The following SRGAP1 variants were observed in gnomAD, a reference collection of about 807,000 sequenced individuals.
SRGAP1 encodes SLIT-ROBO Rho GTPase activating protein 1, also known as SLIT-ROBO Rho GTPase-activating protein 1.
Under a neutral mutation model 121.9 loss-of-function variants are expected in SRGAP1, and 43 were observed. The ratio of observed to expected loss-of-function variants is 0.35; its 90% CI spans 0.28 to 0.46. The LOEUF is 0.46. Ranked by LOEUF, SRGAP1 falls within the 20% of genes least tolerant of loss-of-function variation. The pLI, the probability that SRGAP1 is intolerant of heterozygous loss-of-function variation, is 1.00. For synonymous variants in SRGAP1, 447 were observed against 485.4 expected (o/e 0.92, Z 1.04); for missense variants, 1,102 against 1,350.9 (o/e 0.82, Z 2.89).
At chr12:64,046,364 C>T (rs1593074770) in intron 6 of SRGAP1, among the ~76,000 whole-genome samples, 1 of 152,236 alleles carries the variant, frequency 6.6e-6, no homozygotes, top group Admixed American at 6.5e-5. Flanking sequence ...AAGATTCACT[C>T]TGGCAGCAGA....
intron 1 of SRGAP1, among the ~76,000 whole-genome samples, chr12:63,961,009 G>A (rs1430106655): frequency 6.6e-6 from 1 of 152,122 alleles, no homozygotes; most frequent in East Asian, 1.9e-4. Context: ...TACGTTTGTG[G>A]TCATTTGTAA....
Position 64,126,011 on chromosome 12 carries a change from C to T in SRGAP1, c.2259C>T (p.Asp753=). The change falls in exon 19 of 22, where the codon GAC becomes GAT. Residue 753 remains aspartate, a synonymous_variant. Coordinates refer to ENST00000355086, the MANE Select transcript of SRGAP1 (RefSeq NM_020762.4). ...CEPIEAIAKF[D]YVGRSARELS... ...CAATAGAAGCAATAGCCAAGTTTGA[C>T]TATGTTGGGCGGTCTGCCAGAGAAC... is the stretch of plus-strand genomic sequence containing the variant. 6.2e-7 allele frequency: 1 copy of T among 1,614,090 alleles called. No individual in the cohort carries two copies. The highest frequency in any genetic ancestry group is 8.5e-7 in the Non-Finnish European group (1 of 1,179,954).
chr12:63,863,258 A>T (rs1353117757), intron 1 of SRGAP1, among the ~76,000 whole-genome samples: 1 of 150,910 alleles, frequency 6.6e-6, no homozygotes, highest in Non-Finnish European at 1.5e-5. Context: ...TCTTTTCAAA[A>T]GGTTGCTCTT....
At chr12:63,913,916 G>A (rs1223442813) in intron 1 of SRGAP1, among the ~76,000 whole-genome samples, 1 of 151,824 alleles carries the variant, frequency 6.6e-6, no homozygotes, top group Non-Finnish European at 1.5e-5. Context: ...CATCGTGAAG[G>A]ATTTACATTT....
chr12:64,116,613 C>T (rs991159173), intron 18 of SRGAP1, among the ~76,000 whole-genome samples: 14 of 152,022 alleles, frequency 9.2e-5, no homozygotes, highest in African/African-American at 2.7e-4. Flanking sequence ...GTATAATATT[C>T]CATTGTATGT....
chr12:63,934,248 ATCTT>A (rs2031582457), intron 1 of SRGAP1, among the ~76,000 whole-genome samples: 1 of 152,148 alleles, frequency 6.6e-6, no homozygotes, highest in Non-Finnish European at 1.5e-5. Context: ...TCAGCTGTCT[ATCTT>A]TCCACCTTTG....
In SRGAP1 at chr12:64,153,116, T is replaced by C. The variant is rs917970095; in HGVS notation, c.*10444T>C. On this transcript the variant is annotated 3_prime_UTR_variant, in exon 22 of 22. Coordinates refer to ENST00000355086, the MANE Select transcript of SRGAP1 (RefSeq NM_020762.4). ...AGCATTTGAGCTAAGACCTGAATAA[T>C]GAGAAGGAACCAGCCATGTGAAAAG... 5 of 151,358 alleles carry C rather than the reference T, an allele frequency of 3.3e-5. No individual in the cohort carries two copies. Among genetic ancestry groups the C allele is most frequent in the Admixed American group, 3.3e-4 (5 of 15,136 alleles). The allele number at this position is 151,358 out of a possible 1,614,324, so 9.4% of individuals were successfully genotyped here.
At chr12:64,025,687 C>G (rs1393238192) in intron 4 of SRGAP1, among the ~76,000 whole-genome samples, 1 of 152,048 alleles carries the variant, frequency 6.6e-6, no homozygotes, top group Non-Finnish European at 1.5e-5. Flanking sequence ...ATTTAGGGAC[C>G]TTGGGCTGAC....
intron 10 of SRGAP1, 25 bp from the exon 11 acceptor site, chr12:64,086,974 C>A (rs1593114874): frequency 1.3e-6 from 2 of 1,577,992 alleles, no homozygotes; most frequent in East Asian, 4.5e-5. Context: ...TTTCAGTTTA[C>A]TTACTTTAAA....
intron 3 of SRGAP1, among the ~76,000 whole-genome samples, chr12:63,998,178 T>C (rs1486910092): frequency 2.0e-5 from 3 of 152,194 alleles, no homozygotes; most frequent in African/African-American, 7.2e-5. Context: ...GAGACCTTCA[T>C]GTTGTTCACT....
At chr12:63,912,249 A>G (rs1185151984) in intron 1 of SRGAP1, among the ~76,000 whole-genome samples, 2 of 152,146 alleles carry the variant, frequency 1.3e-5, no homozygotes, top group Admixed American at 6.5e-5. Context: ...AGGTACTGAC[A>G]CTATCCCTAT....
chr12:63,855,986 G>GA (rs1395267815), intron 1 of SRGAP1, among the ~76,000 whole-genome samples: 1 of 152,024 alleles, frequency 6.6e-6, no homozygotes, highest in East Asian at 1.9e-4. Flanking sequence ...GGCTGGGCTT[G>GA]GTGGCTCATG....
At chr12:64,059,814 A>G (rs930144650) in intron 6 of SRGAP1, among the ~76,000 whole-genome samples, 3 of 152,150 alleles carry the variant, frequency 2.0e-5, no homozygotes, top group African/African-American at 4.8e-5. Flanking sequence ...ATCATTCTCT[A>G]TATTTGAGTG....
intron 10 of SRGAP1, among the ~76,000 whole-genome samples, chr12:64,086,702 G>A (rs1412821690): frequency 7.4e-6 from 1 of 135,762 alleles, no homozygotes; most frequent in Non-Finnish European, 1.5e-5. Context: ...TGATCAAGCA[G>A]CTATTCTTGT....
In SRGAP1 at chr12:64,150,603, A is replaced by T. The variant is rs2037107026; in HGVS notation, c.*7931A>T. 1 of 141,532 alleles carries T rather than the reference A, an allele frequency of 7.1e-6. No individual in the cohort carries two copies. Among genetic ancestry groups the T allele is most frequent in the South Asian group, 2.3e-4 (1 of 4,326 alleles). 8.8% of individuals were successfully genotyped at this position (141,532 alleles called of 1,614,324 possible). ...AAAATTGTACAATGACATGACATTA[A>T]CTCAAAAATGAAGTTTGAGGTTCTG... is the stretch of plus-strand genomic sequence containing the variant. On this transcript the variant is annotated 3_prime_UTR_variant, in exon 22 of 22. Coordinates refer to ENST00000355086, the MANE Select transcript of SRGAP1 (RefSeq NM_020762.4).
chr12:63,854,344 AT>A (rs1176650824), intron 1 of SRGAP1, among the ~76,000 whole-genome samples: 1 of 152,188 alleles, frequency 6.6e-6, no homozygotes, highest in Non-Finnish European at 1.5e-5. Flanking sequence ...ATATTGATGA[AT>A]TGGTGTAAAT....
At position 64,042,844 on chromosome 12, in the gene SRGAP1, C is replaced by G; in HGVS notation, c.544C>G (p.Leu182Val). ...HAESISAESKLKEAEKQEEKQ... is the reference protein window; with the variant it reads ...HAESISAESKVKEAEKQEEKQ... The stretch of plus-strand genomic sequence containing the variant: ...AGAGAGCATCAGTGCAGAGAGCAAG[C>G]TGAAAGAGGCCGAAAAACAAGAGGA... Residue 182 changes from leucine (L) to valine (V), a missense_variant, in exon 5 of 22, where the codon CTG (leucine) becomes GTG (valine). Leu to Val is a conservative substitution (Grantham distance 32). Around this residue, in one of 3 missense-constraint regions of SRGAP1, gnomAD observed 747 missense variants for 929.4 expected, o/e 0.80. Coordinates refer to ENST00000355086, the MANE Select transcript of SRGAP1 (RefSeq NM_020762.4). The G allele has an allele frequency of 3.1e-6, 5 of 1,613,778 alleles. No homozygotes were observed. Among genetic ancestry groups the G allele is most frequent in the Non-Finnish European group, 4.2e-6 (5 of 1,179,890 alleles).
At chr12:63,885,215 A>G (rs1900337532) in intron 1 of SRGAP1, among the ~76,000 whole-genome samples, 1 of 152,054 alleles carries the variant, frequency 6.6e-6, no homozygotes, top group African/African-American at 2.4e-5. Flanking sequence ...CCTCTGACCA[A>G]CCAGATTCAA....
At chr12:64,063,562 A>T (rs2035487460) in intron 7 of SRGAP1, among the ~76,000 whole-genome samples, 1 of 152,210 alleles carries the variant, frequency 6.6e-6, no homozygotes, top group Non-Finnish European at 1.5e-5. Context: ...AACTTTTTTT[A>T]AAATTCAAGT....
Sources: gnomAD v4.1 joint callset for allele counts (sites outside exome capture counted in the v4.1 genomes callset) on GRCh38, gnomAD v4.1.1 for gene constraint, gnomAD v4.1.1 regional missense constraint, MANE v1.5 for transcripts, NCBI Gene and HGNC (gene_info 2026-07-23, HGNC 2026-07-21) for gene names.